The following TIMM50 variants were observed in gnomAD, a reference collection of about 807,000 sequenced individuals.
TIMM50 encodes the protein translocase of inner mitochondrial membrane 50, also known as mitochondrial import inner membrane translocase subunit TIM50.
Under a neutral mutation model 49.6 loss-of-function variants are expected in TIMM50, and 34 were observed. The observed-to-expected ratio is 0.69, with a 90% CI of 0.52 to 0.91. The LOEUF is 0.91. TIMM50 is among the 40% of genes least tolerant of loss of function. The pLI, the probability that TIMM50 is intolerant of heterozygous loss-of-function variation, is 0.00. For missense variants in TIMM50, 458 were observed against 477.8 expected (o/e 0.96, Z 0.39); for synonymous variants, 199 against 198.4 (o/e 1.00, Z -0.03).
chr19:39,481,778 G>C (rs1454809023), intron 1 of TIMM50, 105 bp from the exon 2 acceptor site: 19 of 1,418,842 alleles, frequency 1.3e-5, no homozygotes, highest in Admixed American at 2.0e-5. Flanking sequence ...GGGCTCTGTG[G>C]GTGTCTGCCT....
Position 39,481,918 on chromosome 19 carries a change from G to T in TIMM50, c.144G>T (p.Ala48=), listed in dbSNP as rs201627271. ...TCGGGAGCCGCGGGAGCACTAAGGC[G>T]CAAGGGCCACAGCAGCAGCCGGGCT... ...AEIGSRGSTK[A]QGPQQQPGSE... The change falls in exon 2 of 11, where the codon GCG becomes GCT. Residue 48 remains alanine, a synonymous_variant. Transcript: ENST00000607714. The T allele has an allele frequency of 1.2e-6, 2 of 1,614,028 alleles. No individual in the cohort carries two copies. The highest frequency in any genetic ancestry group is 1.7e-6 in the Non-Finnish European group (2 of 1,180,000).
At chr19:39,482,659 CAA>C (rs202217358) in intron 2 of TIMM50, among the ~76,000 whole-genome samples, 43 of 125,340 alleles carry the variant, frequency 3.4e-4, no homozygotes, top group South Asian at 7.5e-4. Flanking sequence ...GACTCTGTCT[CAA>C]AAAAAAAAAA....
chr19:39,483,877 AT>A (rs1257714380), intron 4 of TIMM50, among the ~76,000 whole-genome samples: 1 of 151,970 alleles, frequency 6.6e-6, no homozygotes, highest in Admixed American at 6.6e-5. Context: ...TTTTTGAGAC[AT>A]AGTCTTGCTC....
At position 39,493,619 on chromosome 19, in the gene TIMM50, A is replaced by T. The variant is rs1467933461; in HGVS notation, c.*3799A>T. ...CTTCTCCTGGCTCAGAAGCACCCCC[A>T]CTGAGCACCTTGCGACCCCCCACTC... On this transcript the variant is annotated 3_prime_UTR_variant, in exon 11 of 11. Transcript: ENST00000607714. 2 of 151,846 alleles carry T rather than the reference A, an allele frequency of 1.3e-5. No homozygotes were observed. Among genetic ancestry groups the T allele is most frequent in the Non-Finnish European group, 2.9e-5 (2 of 67,982 alleles). The allele number at this position is 151,846 out of a possible 1,614,324, so 9.4% of individuals were successfully genotyped here. A position where few individuals can be genotyped will look rare whatever the true frequency, so the allele number is the denominator to read the frequency against.
In TIMM50 at chr19:39,484,262, G is replaced by A. The variant is rs568479485; in HGVS notation, c.313+1106G>A. Among the ~76,000 whole-genome samples, 222 of 152,208 alleles carry A rather than the reference G, an allele frequency of 1.5e-3. 1 individual carries two copies. Among genetic ancestry groups the A allele is most frequent in the Middle Eastern group, 3.4e-3 (1 of 294 alleles). ...TGTTTTATACTGGATTCATTAGCCG[G>A]GAGTGGTGGCCTGTGCCTGTGGTCC... On this transcript the variant is annotated intron_variant, in intron 4 of 10. Transcript: ENST00000607714.
rs1568440267 is a variant in TIMM50 at position 39,481,992 on chromosome 19, T to C, written c.218T>C (p.Leu73Pro). Residue 73 changes from leucine to proline, a missense_variant, in exon 2 of 11, where the codon CTG (leucine) becomes CCG (proline). By Grantham distance (98) the Leu-to-Pro change is moderately conservative. Transcript: ENST00000607714. ...AAAGTTGCGCTCTGGCTTGCTGGGC[T>C]GCTTGGAGCTGGTGGGACTGTGAGC... ...AKKVALWLAGLLGAGGTVSVV... is the reference protein window; with the variant it reads ...AKKVALWLAGPLGAGGTVSVV... The C allele has an allele frequency of 4.3e-6, 7 of 1,614,184 alleles. No homozygotes were observed. Among genetic ancestry groups the C allele is most frequent in the Non-Finnish European group, 5.9e-6 (7 of 1,180,030 alleles).
intron 10 of TIMM50, among the ~76,000 whole-genome samples, chr19:39,489,282 G>A (rs1397692520): frequency 6.6e-6 from 1 of 152,048 alleles, no homozygotes; most frequent in Non-Finnish European, 1.5e-5. Context: ...GGTGAGGAGG[G>A]CCATGGGGTT....
In TIMM50 at chr19:39,492,358, G is replaced by A. The variant is rs1005431523; in HGVS notation, c.*2538G>A. ...AAGTTCTTGTCTCAGGCTAGCTTTG[G>A]GGACCAAATGAAGCACTCCCATGTA... is the stretch of plus-strand genomic sequence containing the variant. On this transcript the variant is annotated 3_prime_UTR_variant, in exon 11 of 11. Transcript: ENST00000607714. 6.6e-6 allele frequency: 1 copy of A among 151,628 alleles called. No homozygotes were observed. Among genetic ancestry groups the A allele is most frequent in the Non-Finnish European group, 1.5e-5 (1 of 67,968 alleles). The allele number at this position is 151,628 out of a possible 1,614,324, so 9.4% of individuals were successfully genotyped here.
Position 39,490,086 on chromosome 19 carries a change from C to A in TIMM50, c.*266C>A. On this transcript the variant is annotated 3_prime_UTR_variant, in exon 11 of 11. Coordinates refer to ENST00000607714, the MANE Select transcript of TIMM50 (RefSeq NM_001001563.5). ...TGGTCTCGGAATCTAAAAACCCTCG[C>A]TGTGTCTTCCTGTGTGTTGCGTGAT... is the stretch of plus-strand genomic sequence containing the variant. 2.0e-6 allele frequency: 1 copy of A among 512,470 alleles called. No homozygotes were observed. The highest frequency in any genetic ancestry group is 3.2e-5 in the East Asian group (1 of 31,580). The allele number at this position is 512,470 out of a possible 1,614,324, so 31.7% of individuals were successfully genotyped here.
chr19:39,486,071 C>T, intron 6 of TIMM50, 116 bp from the exon 7 acceptor site: 2 of 1,197,466 alleles, frequency 1.7e-6, no homozygotes, highest in Non-Finnish European at 2.4e-6. Context: ...CCAAGAGCCA[C>T]AGAGACAGAG....
In TIMM50 at chr19:39,491,857, A is replaced by T. The variant is rs1242510704; in HGVS notation, c.*2037A>T. 6 of 147,634 alleles carry T rather than the reference A, an allele frequency of 4.1e-5. No homozygotes were observed. The highest frequency in any genetic ancestry group is 3.5e-3 in the Middle Eastern group (1 of 286). 9.1% of individuals were successfully genotyped at this position (147,634 alleles called of 1,614,324 possible). ...AAAAAAAAAAAAAAAAAAAACCTTA[A>T]GATTTTTTTTTGGAGTCAGGGTCTC... is the stretch of plus-strand genomic sequence containing the variant. On this transcript the variant is annotated 3_prime_UTR_variant, in exon 11 of 11. Coordinates refer to ENST00000607714, the MANE Select transcript of TIMM50 (RefSeq NM_001001563.5).
Position 39,488,552 on chromosome 19 carries a change from T to A in TIMM50, c.867T>A (p.Asn289Lys), listed in dbSNP as rs774197001. The A allele has an allele frequency of 1.9e-6, 3 of 1,612,690 alleles. No homozygotes were observed. In the African/African-American group the frequency reaches 4.0e-5, roughly 22 times the overall value. Reference protein sequence around the residue: ...LSAFLKTIALNGVEDVRTVLE... With the variant: ...LSAFLKTIALKGVEDVRTVLE... ...TTGTGCCCACAGCCATTGCACTGAA[T>A]GGTGTGGAGGACGTGCGAACCGTGC... Residue 289 changes from asparagine to lysine, a missense_variant, in exon 10 of 11, where the codon AAT (asparagine) becomes AAA (lysine). By Grantham distance (94) the Asn-to-Lys change is moderately conservative (BLOSUM62 0). Transcript: ENST00000607714.
chr19:39,488,440 T>G (rs999670718), intron 9 of TIMM50, 99 bp from the exon 10 acceptor site: 3 of 1,201,664 alleles, frequency 2.5e-6, no homozygotes, highest in Middle Eastern at 2.9e-4. Flanking sequence ...CAGGTAGCAC[T>G]GACTGCCCCC....
In TIMM50 at chr19:39,488,205, G is replaced by A. The variant is rs769744526; in HGVS notation, c.841G>A (p.Ala281Thr). The A allele has an allele frequency of 6.2e-7, 1 of 1,612,870 alleles. No individual in the cohort carries two copies. The highest frequency in any genetic ancestry group is 1.1e-5 in the South Asian group (1 of 91,058). ...SDDRVLLDLS[A>T]FLKTIALNGV... ...TGACCGGGTCTTGTTGGATCTGTCT[G>A]CCTTCCTCAAGAGTAAGGCTGACCC... The change falls in exon 9 of 11, where the codon GCC becomes ACC. Residue 281 changes from alanine (A) to threonine (T), a missense_variant. By Grantham distance (58) the Ala-to-Thr change is moderately conservative. Transcript: ENST00000607714.
Position 39,492,732 on chromosome 19 carries a change from A to T in TIMM50, c.*2912A>T, listed in dbSNP as rs1377627197. Reference sequence around the variant, plus strand: ...AAAAATACAAATAAATTAGCTGGGCATGGTGGTGGGTGCCTGTAATCCCAG... The same window carrying T: ...AAAAATACAAATAAATTAGCTGGGCTTGGTGGTGGGTGCCTGTAATCCCAG... On this transcript the variant is annotated 3_prime_UTR_variant, in exon 11 of 11. Coordinates refer to ENST00000607714, the MANE Select transcript of TIMM50 (RefSeq NM_001001563.5). The T allele has an allele frequency of 6.6e-6, 1 of 151,688 alleles. No individual in the cohort carries two copies. Among genetic ancestry groups the T allele is most frequent in the Non-Finnish European group, 1.5e-5 (1 of 67,928 alleles). 9.4% of individuals were successfully genotyped at this position (151,688 alleles called of 1,614,324 possible).
Position 39,490,100 on chromosome 19 carries a change from G to A in TIMM50, c.*280G>A. On this transcript the variant is annotated 3_prime_UTR_variant, in exon 11 of 11. Coordinates refer to ENST00000607714, the MANE Select transcript of TIMM50 (RefSeq NM_001001563.5). The stretch of plus-strand genomic sequence containing the variant: ...AAAAACCCTCGCTGTGTCTTCCTGT[G>A]TGTTGCGTGATCTGTGAAAAATACA... The A allele has an allele frequency of 4.1e-6, 2 of 483,016 alleles. No homozygotes were observed. Among genetic ancestry groups the A allele is most frequent in the Non-Finnish European group, 7.5e-6 (2 of 265,928 alleles). 29.9% of individuals were successfully genotyped at this position (483,016 alleles called of 1,614,324 possible).
chr19:39,486,518 C>T, intron 8 of TIMM50, 23 bp downstream of exon 8: 4 of 1,609,578 alleles, frequency 2.5e-6, no homozygotes, highest in Non-Finnish European at 3.4e-6. Flanking sequence ...CATGGGTGGG[C>T]CTCTGGGATT....
chr19:39,485,973 C>T lies in TIMM50; in HGVS notation c.492+166C>T. 4 of 1,204,462 alleles carry T rather than the reference C, an allele frequency of 3.3e-6. No individual in the cohort carries two copies. In the South Asian group the frequency reaches 5.5e-5, roughly 17 times the overall value. The allele number at this position is 1,204,462 out of a possible 1,614,324, so 74.6% of individuals were successfully genotyped here. A position where few individuals can be genotyped will look rare whatever the true frequency, so the allele number is the denominator to read the frequency against. ...GAAGGCAGTCATGCTAACACCCACT[C>T]TGTAGGGTAGTGTAGGTGTGCCCAG... is the stretch of plus-strand genomic sequence containing the variant. On this transcript the variant is annotated intron_variant, in intron 6 of 10. Coordinates refer to ENST00000607714, the MANE Select transcript of TIMM50 (RefSeq NM_001001563.5).
intron 8 of TIMM50, among the ~76,000 whole-genome samples, chr19:39,486,846 T>C (rs2079510668): frequency 6.6e-6 from 1 of 152,182 alleles, no homozygotes; most frequent in Admixed American, 6.5e-5. Context: ...GGTTGGGGTT[T>C]GTTTGACCCG....
Sources: gnomAD v4.1 joint callset for allele counts (sites outside exome capture counted in the v4.1 genomes callset) on GRCh38, gnomAD v4.1.1 for gene constraint, MANE v1.5 for transcripts, NCBI Gene and HGNC (gene_info 2026-07-23, HGNC 2026-07-21) for gene names.